Variants in ARPP21 observed in about 807,000 individuals in gnomAD.
The protein encoded by ARPP21 is cAMP regulated phosphoprotein 21, also known as cAMP-regulated phosphoprotein 21.
Under a neutral mutation model 113.2 loss-of-function variants are expected in ARPP21, and 69 were observed. The observed-to-expected ratio is 0.61, with a 90% CI of 0.50 to 0.74. ARPP21 has a LOEUF of 0.74. Ranked by LOEUF, ARPP21 falls within the 30% of genes least tolerant of loss-of-function variation. The pLI, the probability that ARPP21 is intolerant of heterozygous loss-of-function variation, is 0.00. For synonymous variants in ARPP21, 368 were observed against 375.5 expected (o/e 0.98, Z 0.23); for missense variants, 1,070 against 1,037.4 (o/e 1.03, Z -0.43).
At chr3:35,773,616 A>G (rs2096270562) in intron 19 of ARPP21, among the ~76,000 whole-genome samples, 1 of 152,138 alleles carries the variant, frequency 6.6e-6, no homozygotes, top group African/African-American at 2.4e-5. Flanking sequence ...AGTGGTTGTA[A>G]TCATTTATTT....
intron 19 of ARPP21, among the ~76,000 whole-genome samples, chr3:35,771,442 C>T (rs1457010539): frequency 2.0e-5 from 3 of 152,176 alleles, no homozygotes; most frequent in Admixed American, 6.6e-5. Flanking sequence ...GATTCTCCTG[C>T]CTCAGCCTCC....
intron 19 of ARPP21, among the ~76,000 whole-genome samples, chr3:35,780,103 G>T (rs184150645): frequency 2.2e-4 from 33 of 152,200 alleles, no homozygotes; most frequent in Admixed American, 1.8e-3. Flanking sequence ...TGTATACGTT[G>T]CCTCTTCATC....
In ARPP21 at chr3:35,776,716, C is replaced by T. The variant is rs370324684; in HGVS notation, c.2138-15666C>T. Among the ~76,000 whole-genome samples the T allele has an allele frequency of 5.9e-5, 9 of 152,068 alleles. No homozygotes were observed. In the South Asian group the frequency reaches 6.2e-4, roughly 11 times the overall value. The stretch of plus-strand genomic sequence containing the variant: ...ACAAGAAGGAGACCTCAATTTTCTC[C>T]GAATACTTGGTGACACATATGGAGT... On this transcript the variant is annotated intron_variant, in intron 19 of 20. Transcript: ENST00000684406.
At chr3:35,701,610 A>G (rs937885642) in intron 9 of ARPP21, among the ~76,000 whole-genome samples, 2 of 151,578 alleles carry the variant, frequency 1.3e-5, no homozygotes, top group Non-Finnish European at 3.0e-5. Context: ...TCTCTATAAC[A>G]TCATTATTTA....
At chr3:35,648,963 A>G (rs749330788) in intron 1 of ARPP21, among the ~76,000 whole-genome samples, 1 of 152,160 alleles carries the variant, frequency 6.6e-6, no homozygotes, top group Non-Finnish European at 1.5e-5. Flanking sequence ...TTTTGTTCCT[A>G]TATGGATACA....
chr3:35,669,716 A>T (rs913986922), intron 1 of ARPP21, among the ~76,000 whole-genome samples: 1 of 152,166 alleles, frequency 6.6e-6, no homozygotes, highest in African/African-American at 2.4e-5. Context: ...GTCAATTTGC[A>T]CTAGGTGTAC....
chr3:35,710,100 G>T (rs142010260), intron 11 of ARPP21, among the ~76,000 whole-genome samples: 1 of 152,084 alleles, frequency 6.6e-6, no homozygotes, highest in Non-Finnish European at 1.5e-5. Flanking sequence ...CTTCTTTCAC[G>T]TTTATATCCC....
chr3:35,751,245 T>G (rs1485632009), intron 19 of ARPP21, among the ~76,000 whole-genome samples: 2 of 152,292 alleles, frequency 1.3e-5, no homozygotes, highest in South Asian at 2.1e-4. Context: ...ATAAAATCCC[T>G]TTTCTCTTCT....
intron 19 of ARPP21, among the ~76,000 whole-genome samples, chr3:35,751,723 C>A (rs2095410634): frequency 1.3e-5 from 2 of 152,084 alleles, no homozygotes; most frequent in African/African-American, 2.4e-5. Flanking sequence ...AGGCCAGTCT[C>A]TGGTCCAATG....
At chr3:35,771,629 A>G (rs2096207255) in intron 19 of ARPP21, among the ~76,000 whole-genome samples, 1 of 152,134 alleles carries the variant, frequency 6.6e-6, no homozygotes. Context: ...GTGCCTGGAC[A>G]GGAGGTAATG....
intron 19 of ARPP21, among the ~76,000 whole-genome samples, chr3:35,783,122 C>G (rs2096560160): frequency 6.6e-6 from 1 of 152,058 alleles, no homozygotes; most frequent in Non-Finnish European, 1.5e-5. Flanking sequence ...CTCCTCATTC[C>G]CCATCCAGGT....
intron 2 of ARPP21, among the ~76,000 whole-genome samples, chr3:35,680,462 A>G (rs3796182): frequency 0.1 from 15,883 of 151,896 alleles, 872 homozygotes; most frequent in Non-Finnish European, 0.12. Context: ...ATATCATTAG[A>G]TACCATCTGT....
intron 19 of ARPP21, 96 bp downstream of exon 19, chr3:35,744,061 A>C: frequency 7.6e-7 from 1 of 1,311,010 alleles, no homozygotes; most frequent in Non-Finnish European, 1.1e-6. Context: ...TGGCAATTTA[A>C]ACCAGCACAT....
At chr3:35,665,505 T>A (rs1418817858) in intron 1 of ARPP21, among the ~76,000 whole-genome samples, 1 of 152,204 alleles carries the variant, frequency 6.6e-6, no homozygotes, top group Non-Finnish European at 1.5e-5. Flanking sequence ...CATCCATGTA[T>A]CTAGTTCTAC....
At chr3:35,737,721 C>T (rs1165337331) in intron 16 of ARPP21, among the ~76,000 whole-genome samples, 4 of 152,164 alleles carry the variant, frequency 2.6e-5, no homozygotes, top group African/African-American at 4.8e-5. Context: ...AGATCAAATG[C>T]TCATGTCTGC....
chr3:35,727,572 C>G (rs559942331), intron 14 of ARPP21, among the ~76,000 whole-genome samples: 8 of 152,238 alleles, frequency 5.3e-5, no homozygotes, highest in Non-Finnish European at 1.2e-4. Context: ...ATTGTAGAAT[C>G]TTGAAAAGAG....
At chr3:35,737,077 C>T (rs1338502127) in intron 15 of ARPP21, 101 bp from the exon 16 acceptor site, 3 of 712,448 alleles carry the variant, frequency 4.2e-6, no homozygotes. Context: ...CTGCCCTGCC[C>T]CTTTACTTTA....
At chr3:35,689,926 A>G in intron 7 of ARPP21, 155 bp from the exon 8 acceptor site, 2 of 538,196 alleles carry the variant, frequency 3.7e-6, no homozygotes, top group South Asian at 5.7e-5. Context: ...GAAATGAAAT[A>G]ATATGTAAAT....
chr3:35,728,781 ATTAT>A (rs1452004256), intron 14 of ARPP21, among the ~76,000 whole-genome samples: 5 of 152,266 alleles, frequency 3.3e-5, no homozygotes, highest in Admixed American at 3.3e-4. Context: ...AAGGTAAAAG[ATTAT>A]TTATGACTAG....
Sources: gnomAD v4.1 joint callset for allele counts (sites outside exome capture counted in the v4.1 genomes callset) on GRCh38, gnomAD v4.1.1 for gene constraint, MANE v1.5 for transcripts, NCBI Gene and HGNC (gene_info 2026-07-23, HGNC 2026-07-21) for gene names.